Variants in ARAP1 observed in about 807,000 individuals in gnomAD.
The protein encoded by ARAP1 is arf-GAP with Rho-GAP domain, ANK repeat and PH domain-containing protein 1.
ARAP1 carries 76 observed loss-of-function variants against 172.2 expected under a neutral mutation model. That is an observed-to-expected ratio of 0.44 (90% CI 0.37 to 0.53). The LOEUF is 0.53. Ranked by LOEUF, ARAP1 falls within the 20% of genes least tolerant of loss-of-function variation. The pLI, the probability that ARAP1 is intolerant of heterozygous loss-of-function variation, is 0.00. For missense variants in ARAP1, 1,686 were observed against 1,977.5 expected (o/e 0.85, Z 2.80); for synonymous variants, 804 against 803.3 (o/e 1.00, Z -0.01).
intron 3 of ARAP1, chr11:72,722,334 T>C: frequency 6.1e-6 from 6 of 985,490 alleles, no homozygotes; most frequent in Non-Finnish European, 7.2e-6. Context: ...ACACACTTCC[T>C]GAAAACACTG....
chr11:72,721,525 T>A (rs1310869521), intron 3 of ARAP1, among the ~76,000 whole-genome samples: 1 of 151,984 alleles, frequency 6.6e-6, no homozygotes, highest in African/African-American at 2.4e-5. Flanking sequence ...AGAGGAGTAT[T>A]CTGTGGGGCA....
At chr11:72,697,795 AGGATGGCGG>A (rs200428900) in intron 19 of ARAP1, 107 bp downstream of exon 19, 88,021 of 1,497,116 alleles carry the variant, frequency 0.059, 2,895 homozygotes, top group Non-Finnish European at 0.066. Context: ...ATGAGAGGGC[AGGATGGCGG>A]CTCTGGCCAG....
In ARAP1 at chr11:72,701,757, G is replaced by A; in HGVS notation, c.2194C>T (p.Pro732Ser). ...ACAACTGAGTAGTGCTTTTCCAGGG[G>A]CTTCATCGAGTCCAGCCGAGGCACC... ...TEVPRLDSMK[P>S]LEKHYSVVLP... Residue 732 changes from proline (P) to serine (S), a missense_variant, in exon 16 of 35, where the codon CCC (proline) becomes TCC (serine). This residue lies in a region of ARAP1 where 688 missense variants were observed against 856.9 expected (regional missense o/e 0.80). Transcript: ENST00000393609. The A allele has an allele frequency of 1.9e-6, 3 of 1,613,868 alleles. No homozygotes were observed. The highest frequency in any genetic ancestry group is 2.5e-6 in the Non-Finnish European group (3 of 1,179,840).
chr11:72,714,020 C>T, intron 4 of ARAP1, 132 bp downstream of exon 4: 4 of 1,054,326 alleles, frequency 3.8e-6, no homozygotes, highest in Non-Finnish European at 5.1e-6. Flanking sequence ...TGTGACCTGC[C>T]CGGGGCCACA....
At position 72,693,573 on chromosome 11, in the gene ARAP1, G is replaced by A; in HGVS notation, c.3809-103C>T. The A allele has an allele frequency of 6.5e-7, 1 of 1,544,974 alleles. No homozygotes were observed. ...CCCATCCTGCCCCAGCCTCTCCATA[G>A]AGGCCCACCCACTTGGCGCCCTCTG... On this transcript the variant is annotated intron_variant, in intron 28 of 34. Transcript: ENST00000393609. The surrounding 1 kb of genome is among the most constrained non-coding windows in gnomAD (Gnocchi z 4.6).
chr11:72,746,870 T>G (rs1054062511), intron 1 of ARAP1, among the ~76,000 whole-genome samples: 4 of 152,296 alleles, frequency 2.6e-5, no homozygotes, highest in African/African-American at 9.6e-5. Flanking sequence ...AGACCCTGGG[T>G]TCCTGACTCT....
At chr11:72,707,053 ATC>A in intron 12 of ARAP1, 120 bp downstream of exon 12, 1 of 1,087,300 alleles carries the variant, frequency 9.2e-7, no homozygotes, top group Non-Finnish European at 1.3e-6. Context: ...GAGAAGCCTC[ATC>A]AACAGCAGCT....
chr11:72,722,779 G>A (rs1375729744), intron 3 of ARAP1, among the ~76,000 whole-genome samples: 3 of 152,226 alleles, frequency 2.0e-5, no homozygotes, highest in African/African-American at 7.2e-5. Flanking sequence ...GAGCAAGCTG[G>A]GAGGGGATCT....
chr11:72,727,003 G>A lies in ARAP1; in HGVS notation c.126C>T (p.Ser42=), dbSNP rs376463871. 1.2e-4 allele frequency: 193 copies of A among 1,606,744 alleles called. No homozygotes were observed. The highest frequency in any genetic ancestry group is 2.9e-4 in the South Asian group (26 of 89,836). The change falls in exon 3 of 35, where the codon AGC becomes AGT. Residue 42 remains serine (S), a synonymous_variant. Coordinates refer to ENST00000393609, the MANE Select transcript of ARAP1 (RefSeq NM_001040118.3). The part of the protein sequence containing the change: ...LVWATECQGL[S]DTRLMDMGML... ...TGCCCATGTCCATCAGGCGGGTGTCGCTGAGGCCTTGGCACTCAGTGGCCC... is the reference window on the plus strand; with the variant it reads ...TGCCCATGTCCATCAGGCGGGTGTCACTGAGGCCTTGGCACTCAGTGGCCC...
In ARAP1 at chr11:72,692,767, C is replaced by T. The variant is rs752862313; in HGVS notation, c.3973G>A (p.Gly1325Arg). The change falls in exon 30 of 35, where the codon GGG becomes AGG. Residue 1325 changes from glycine (G) to arginine (R), a missense_variant. Around this residue, in one of 5 missense-constraint regions of ARAP1, gnomAD observed 379 missense variants for 500.1 expected, o/e 0.76. Transcript: ENST00000393609. The part of the protein sequence containing the change: ...KEVRSQRPWS[G>R]APETSHRPEK... Reference sequence around the variant, plus strand: ...CAGCTACTCACGGTCTCAGGGGCCCCGCTCCACGGCCTCTGGCTCTGTTTG... The same window carrying T: ...CAGCTACTCACGGTCTCAGGGGCCCTGCTCCACGGCCTCTGGCTCTGTTTG... The T allele has an allele frequency of 5.0e-6, 8 of 1,613,658 alleles. No individual in the cohort carries two copies. The highest frequency in any genetic ancestry group is 1.7e-5 in the Admixed American group (1 of 60,006).
At chr11:72,708,864 CTG>C (rs902608341) in intron 11 of ARAP1, among the ~76,000 whole-genome samples, 6 of 152,186 alleles carry the variant, frequency 3.9e-5, no homozygotes, top group Non-Finnish European at 7.3e-5. Flanking sequence ...CGGCAAAACC[CTG>C]TCTCTACTAA....
chr11:72,693,037 T>C lies in ARAP1; in HGVS notation c.3955-252A>G. 1.6e-6 allele frequency: 1 copy of C among 641,120 alleles called. No homozygotes were observed. 39.7% of individuals were successfully genotyped at this position (641,120 alleles called of 1,614,324 possible). A position where few individuals can be genotyped will look rare whatever the true frequency, so the allele number is the denominator to read the frequency against. On this transcript the variant is annotated intron_variant, in intron 29 of 34. Coordinates refer to ENST00000393609, the MANE Select transcript of ARAP1 (RefSeq NM_001040118.3). The surrounding 1 kb of genome is among the most constrained non-coding windows in gnomAD (Gnocchi z 4.6). ...CTTGGGGCTGTCATCAAGTAACAGG[T>C]TCCTGTGGATGCAGTGATAAGGCAC...
chr11:72,722,006 T>G (rs989192651), intron 3 of ARAP1: 15 of 985,968 alleles, frequency 1.5e-5, no homozygotes, highest in Non-Finnish European at 1.7e-5. Context: ...TGGGTGGGTC[T>G]GAGGCTGCGT....
intron 13 of ARAP1, chr11:72,704,629 A>C: frequency 2.8e-6 from 1 of 358,582 alleles, no homozygotes; most frequent in Non-Finnish European, 5.1e-6. Flanking sequence ...CTGCTGCCCC[A>C]CCCAGTTCCA....
In ARAP1 at chr11:72,701,180, C is replaced by T. The variant is rs60461936; in HGVS notation, c.2302+469G>A. On this transcript the variant is annotated intron_variant, in intron 16 of 34. Transcript: ENST00000393609. ...AGGCAAAGATCCTGGTAGGTGACGACGTGTCTGAGAAACAGTGAGGAGACC... is the reference window on the plus strand; with the variant it reads ...AGGCAAAGATCCTGGTAGGTGACGATGTGTCTGAGAAACAGTGAGGAGACC... 6.6e-3 allele frequency among the ~76,000 whole-genome samples: 992 copies of T among 151,392 alleles called. 4 individuals carry two copies. Among genetic ancestry groups the T allele is most frequent in the African/African-American group, 0.023 (962 of 41,156 alleles).
intron 2 of ARAP1, among the ~76,000 whole-genome samples, chr11:72,729,221 CA>C (rs769704667): frequency 1.3e-5 from 2 of 151,660 alleles, no homozygotes; most frequent in East Asian, 3.9e-4. Context: ...GGAGTGCTCT[CA>C]AAAAAAACTA....
intron 12 of ARAP1, among the ~76,000 whole-genome samples, chr11:72,706,702 C>A (rs1856779773): frequency 6.6e-6 from 1 of 152,142 alleles, no homozygotes; most frequent in African/African-American, 2.4e-5. Flanking sequence ...CCAGTCTTGC[C>A]CCTCTAACTC....
At position 72,710,229 on chromosome 11, in the gene ARAP1, TGGTCAGAACTTGGGGGAGCGA is replaced by T; in HGVS notation, c.1416+135_1416+155del. Among the ~76,000 whole-genome samples the T allele has an allele frequency of 3.3e-5, 5 of 150,316 alleles. No individual in the cohort carries two copies. In the South Asian group the frequency reaches 1.1e-3, roughly 32 times the overall value. ...GGCAGTGCTCAGAGCCTGGGGGAAG[TGGTCAGAACTTGGGGGAGCGA>T]GGACATATCCAGGCAAAGGGCTGGG... On this transcript the variant is annotated intron_variant, in intron 10 of 34. Transcript: ENST00000393609. This position sits in a 1 kb window ranked among gnomAD's most constrained non-coding sequence, Gnocchi z 4.3.
chr11:72,717,331 C>A (rs961305953), intron 3 of ARAP1, among the ~76,000 whole-genome samples: 2 of 152,174 alleles, frequency 1.3e-5, no homozygotes, highest in Non-Finnish European at 2.9e-5. Flanking sequence ...GCCAGTCAGA[C>A]CTCAGTCCAG....
Sources: allele counts gnomAD v4.1 joint callset (sites outside exome capture counted in the v4.1 genomes callset), GRCh38; gene constraint gnomAD v4.1.1; regional missense constraint gnomAD v4.1.1; non-coding constraint Gnocchi (gnomAD v3.1); transcripts MANE v1.5; gene names NCBI Gene and HGNC (gene_info 2026-07-23, HGNC 2026-07-21).